DACH2: variants seen among roughly 807,000 people sequenced by gnomAD.
DACH2 encodes dachshund homolog 2.
A neutral mutation model predicts 35.8 loss-of-function variants in DACH2; 17 were observed. That is an observed-to-expected ratio of 0.48 (90% CI 0.33 to 0.71). DACH2 has a LOEUF of 0.71. Ranked by LOEUF, DACH2 falls within the 30% of genes least tolerant of loss-of-function variation. DACH2 has a pLI of 0.02. For missense variants in DACH2, 469 were observed against 472.7 expected, an observed-to-expected ratio of 0.99 and a Z score of 0.07; for synonymous variants, 195 against 177.3, an observed-to-expected ratio of 1.10 and a Z score of -0.79.
intron 4 of DACH2, among the ~76,000 whole-genome samples, chrX:86,670,206 A>T (rs1198197789): frequency 9.0e-6 from 1 of 111,161 alleles, no homozygotes; most frequent in Non-Finnish European, 1.9e-5. Context: ...TAAATATATC[A>T]AGAATAGATC....
intron 3 of DACH2, among the ~76,000 whole-genome samples, chrX:86,547,037 C>T (rs892212375): frequency 3.6e-5 from 4 of 110,875 alleles, no homozygotes; most frequent in African/African-American, 9.9e-5. Flanking sequence ...CCCACTATAC[C>T]AGTAAAGTGT....
intron 3 of DACH2, among the ~76,000 whole-genome samples, chrX:86,634,718 A>C (rs2040242067): frequency 8.9e-6 from 1 of 111,925 alleles, no homozygotes; most frequent in Admixed American, 9.5e-5. Flanking sequence ...ATACCTAGGA[A>C]TATATTTAAC....
chrX:86,477,482 C>T (rs1291920346), intron 2 of DACH2, among the ~76,000 whole-genome samples: 1 of 107,232 alleles, frequency 9.3e-6, no homozygotes, highest in Non-Finnish European at 1.9e-5. Flanking sequence ...TTTATAGTGA[C>T]ACCTGCTCTT....
intron 3 of DACH2, among the ~76,000 whole-genome samples, chrX:86,611,553 A>C (rs1423921901): frequency 1.2e-4 from 13 of 111,473 alleles, no homozygotes; most frequent in African/African-American, 4.2e-4. Flanking sequence ...AGATAATTGT[A>C]GTCCATGATC....
At chrX:86,574,336 C>A (rs1356119903) in intron 3 of DACH2, among the ~76,000 whole-genome samples, 1 of 111,121 alleles carries the variant, frequency 9.0e-6, no homozygotes, top group Non-Finnish European at 1.9e-5. Flanking sequence ...TTTTTACCAG[C>A]CAATTAAAAC....
chrX:86,160,695 C>A, intron 1 of DACH2: 1 of 481,461 alleles, frequency 2.1e-6, no homozygotes, highest in South Asian at 3.1e-5. Context: ...ATATTGAAGC[C>A]CTCATTGTTC....
intron 1 of DACH2, among the ~76,000 whole-genome samples, chrX:86,349,172 C>G (rs1261347542): frequency 9.0e-6 from 1 of 111,606 alleles, no homozygotes; most frequent in Non-Finnish European, 1.9e-5. Context: ...TAGTTCTCTG[C>G]GAGGTGGATG....
At chrX:86,518,659 T>G (rs1302344981) in intron 3 of DACH2, among the ~76,000 whole-genome samples, 1 of 111,873 alleles carries the variant, frequency 8.9e-6, no homozygotes, top group Admixed American at 9.5e-5. Context: ...TTATGACAAT[T>G]GTGAATGGGA....
rs1205472844 is a variant in DACH2 at position 86,148,672 on chromosome X, G to A, written c.52G>A (p.Val18Ile). The A allele has an allele frequency of 2.5e-6, 3 of 1,201,646 alleles. No homozygotes were observed. The highest frequency in any genetic ancestry group is 3.4e-6 in the Non-Finnish European group (3 of 890,411). Residue 18 changes from valine to isoleucine, a missense_variant, in exon 1 of 12, where the codon GTC (valine) becomes ATC (isoleucine). Coordinates refer to ENST00000373125, the MANE Select transcript of DACH2 (RefSeq NM_053281.3). ...CTCTGCAACTTCCAGCGGCGCCGGC[G>A]TCCCGGGGGGCTTATTCCGGGCCGA... ...VISATSSGAG[V>I]PGGLFRAEPL...
chrX:86,809,125 G>A (rs1220866061), intron 7 of DACH2, among the ~76,000 whole-genome samples: 1 of 111,607 alleles, frequency 9.0e-6, no homozygotes, highest in Non-Finnish European at 1.9e-5. Context: ...AATAAGTGAA[G>A]AGATCACTCA....
At chrX:86,775,365 C>T (rs891057557) in intron 7 of DACH2, among the ~76,000 whole-genome samples, 1 of 111,468 alleles carries the variant, frequency 9.0e-6, no homozygotes, top group Admixed American at 9.5e-5. Flanking sequence ...GGGAGCATTA[C>T]TCCTCGAGCC....
chrX:86,557,094 G>A (rs1226141898), intron 3 of DACH2, among the ~76,000 whole-genome samples: 2 of 109,332 alleles, frequency 1.8e-5, no homozygotes, highest in Non-Finnish European at 3.8e-5. Context: ...AAGGATGGAT[G>A]GTGCAACTGA....
intron 2 of DACH2, among the ~76,000 whole-genome samples, chrX:86,392,352 A>G (rs1193178955): frequency 8.9e-6 from 1 of 111,860 alleles, no homozygotes; most frequent in Non-Finnish European, 1.9e-5. Flanking sequence ...AAAGATACCA[A>G]CTATGAGCCT....
intron 2 of DACH2, among the ~76,000 whole-genome samples, chrX:86,470,106 T>C (rs866669601): frequency 3.3e-4 from 32 of 95,539 alleles, no homozygotes; most frequent in African/African-American, 1.9e-3. Context: ...ACAGTAAAAT[T>C]GATGGGTGCT....
chrX:86,168,252 C>A (rs1051609392), intron 1 of DACH2, among the ~76,000 whole-genome samples: 2 of 111,474 alleles, frequency 1.8e-5, no homozygotes, highest in African/African-American at 6.5e-5. Context: ...ATTGTTTTAT[C>A]CTCTTGCTGA....
intron 7 of DACH2, among the ~76,000 whole-genome samples, chrX:86,776,728 C>A (rs894056538): frequency 4.5e-5 from 5 of 110,854 alleles, no homozygotes; most frequent in African/African-American, 9.9e-5. Flanking sequence ...CTAATGCTAT[C>A]CCTCCCCCAT....
chrX:86,600,888 A>C (rs1035573261), intron 3 of DACH2, among the ~76,000 whole-genome samples: 2 of 111,428 alleles, frequency 1.8e-5, no homozygotes, highest in Non-Finnish European at 3.8e-5. Context: ...GGGAAGTCAG[A>C]GAGCAAAAAC....
At chrX:86,531,723 C>T (rs1455209090) in intron 3 of DACH2, among the ~76,000 whole-genome samples, 1 of 112,510 alleles carries the variant, frequency 8.9e-6, no homozygotes, top group Non-Finnish European at 1.9e-5. Context: ...GGAATTGGGA[C>T]CCCCACACAG....
At chrX:86,725,532 C>G (rs148412173) in intron 6 of DACH2, among the ~76,000 whole-genome samples, 74 of 111,278 alleles carry the variant, frequency 6.7e-4, no homozygotes, top group African/African-American at 2.4e-3. Flanking sequence ...TCTTCAGGCT[C>G]TAGTGGTGGC....
Sources: gnomAD v4.1 joint callset for allele counts (sites outside exome capture counted in the v4.1 genomes callset) on GRCh38, gnomAD v4.1.1 for gene constraint, MANE v1.5 for transcripts, NCBI Gene and HGNC (gene_info 2026-07-23, HGNC 2026-07-21) for gene names.